The following SMAD3 variants were observed in gnomAD, a reference collection of about 807,000 sequenced individuals.
The protein encoded by SMAD3 is MAD homolog 3.
In SMAD3, 12 loss-of-function variants were observed where a neutral mutation model predicts 51.8. The observed-to-expected ratio is 0.23, with a 90% CI of 0.15 to 0.38. The LOEUF is 0.38. SMAD3 is among the 10% of genes least tolerant of loss of function. The pLI, the probability that SMAD3 is intolerant of heterozygous loss-of-function variation, is 1.00. For missense variants in SMAD3, 294 were observed against 565.6 expected (o/e 0.52, Z 4.87); for synonymous variants, 238 against 227.7 (o/e 1.05, Z -0.41).
intron 1 of SMAD3, among the ~76,000 whole-genome samples, chr15:67,104,061 C>G (rs1038820670): frequency 2.0e-5 from 3 of 152,108 alleles, no homozygotes; most frequent in South Asian, 2.1e-4. Context: ...TTAAAAGTGC[C>G]TGCCTCTGCT....
chr15:67,183,094 G>A (rs1203924696), intron 6 of SMAD3, among the ~76,000 whole-genome samples: 1 of 133,676 alleles, frequency 7.5e-6, no homozygotes, highest in Non-Finnish European at 1.5e-5. Context: ...CCAGGCTGGA[G>A]TGCGATGGCA....
At chr15:67,142,328 G>T (rs1961853053) in intron 1 of SMAD3, among the ~76,000 whole-genome samples, 2 of 151,538 alleles carry the variant, frequency 1.3e-5, no homozygotes, top group South Asian at 4.2e-4. Context: ...GTACCTCCAT[G>T]GTTTGCGTGG....
chr15:67,125,522 C>T (rs760531109), intron 1 of SMAD3, among the ~76,000 whole-genome samples: 1 of 152,204 alleles, frequency 6.6e-6, no homozygotes, highest in Non-Finnish European at 1.5e-5. Context: ...TGGATGAAGC[C>T]GGTGGGAACA....
At chr15:67,091,085 G>A (rs1236617590) in intron 1 of SMAD3, among the ~76,000 whole-genome samples, 3 of 152,216 alleles carry the variant, frequency 2.0e-5, no homozygotes, top group African/African-American at 4.8e-5. Context: ...GCCCTCTGGA[G>A]AGAAAGATCC....
intron 5 of SMAD3, among the ~76,000 whole-genome samples, chr15:67,176,418 G>A (rs532703832): frequency 6.6e-6 from 1 of 152,304 alleles, no homozygotes; most frequent in South Asian, 2.1e-4. Flanking sequence ...CAGGTGAGGT[G>A]GGCCCAGCAG....
In SMAD3 at chr15:67,166,327, C is replaced by T. The variant is rs1430196524; in HGVS notation, c.533-452C>T. 3.1e-5 allele frequency: 9 copies of T among 286,436 alleles called. No homozygotes were observed. In the East Asian group the frequency reaches 5.1e-4, roughly 16 times the overall value. The allele number at this position is 286,436 out of a possible 1,614,324, so 17.7% of individuals were successfully genotyped here. ...GCAACCTAACTGCTGAGTGAGGACA[C>T]GTCCCTTAGAGACAACAAATAATAA... On this transcript the variant is annotated intron_variant, in intron 3 of 8. Coordinates refer to ENST00000327367, the MANE Select transcript of SMAD3 (RefSeq NM_005902.4).
intron 1 of SMAD3, among the ~76,000 whole-genome samples, chr15:67,162,141 C>T (rs1962448210): frequency 6.6e-6 from 1 of 152,162 alleles, no homozygotes. Flanking sequence ...AGGCCAGTGG[C>T]TTGGAGAGTG....
intron 1 of SMAD3, among the ~76,000 whole-genome samples, chr15:67,112,238 C>A (rs1961033884): frequency 6.8e-6 from 1 of 148,132 alleles, no homozygotes; most frequent in Admixed American, 6.8e-5. Context: ...CAACCTCCGC[C>A]ACCTAGGTTC....
chr15:67,177,788 G>A (rs1470529694), intron 5 of SMAD3, among the ~76,000 whole-genome samples: 1 of 151,772 alleles, frequency 6.6e-6, no homozygotes, highest in African/African-American at 2.4e-5. Context: ...CACAGGTGGT[G>A]ACCATACTTT....
chr15:67,115,909 C>T (rs1961124516), intron 1 of SMAD3, among the ~76,000 whole-genome samples: 1 of 152,130 alleles, frequency 6.6e-6, no homozygotes, highest in Admixed American at 6.5e-5. Context: ...ACATAGGAGC[C>T]AAGACCAAAG....
chr15:67,139,232 T>C (rs1961752402), intron 1 of SMAD3, among the ~76,000 whole-genome samples: 1 of 152,202 alleles, frequency 6.6e-6, no homozygotes, highest in African/African-American at 2.4e-5. Context: ...GAACCAGATT[T>C]CTTCTCTTTG....
chr15:67,105,902 G>A (rs572012069), intron 1 of SMAD3, among the ~76,000 whole-genome samples: 12 of 152,192 alleles, frequency 7.9e-5, no homozygotes, highest in African/African-American at 1.9e-4. Context: ...TTCATTCCCC[G>A]GCCCTCCCTG....
chr15:67,172,875 C>T (rs1157536557), intron 5 of SMAD3, among the ~76,000 whole-genome samples: 1 of 152,108 alleles, frequency 6.6e-6, no homozygotes, highest in African/African-American at 2.4e-5. Flanking sequence ...CTGACTTTTA[C>T]GTTGGAGACG....
chr15:67,145,397 T>A lies in SMAD3; in HGVS notation c.207-19498T>A, dbSNP rs746273949. Among the ~76,000 whole-genome samples the A allele has an allele frequency of 5.3e-5, 8 of 152,148 alleles. No individual in the cohort carries two copies. In the South Asian group the frequency reaches 6.2e-4, roughly 12 times the overall value. ...ATAGACCTGGGAAAGAGATTGTTAA[T>A]CTCTCATTCTGTGCTCAAGGATGCT... On this transcript the variant is annotated intron_variant, in intron 1 of 8. Coordinates refer to ENST00000327367, the MANE Select transcript of SMAD3 (RefSeq NM_005902.4).
At chr15:67,092,880 G>A (rs1420997967) in intron 1 of SMAD3, among the ~76,000 whole-genome samples, 1 of 152,198 alleles carries the variant, frequency 6.6e-6, no homozygotes, top group Non-Finnish European at 1.5e-5. Context: ...GTCTTCTGGA[G>A]CTTTGGGGAA....
At chr15:67,084,223 C>T (rs1960341598) in intron 1 of SMAD3, among the ~76,000 whole-genome samples, 2 of 151,248 alleles carry the variant, frequency 1.3e-5, no homozygotes, top group Admixed American at 1.3e-4. Context: ...CTACAGGCGT[C>T]TGCCACCACA....
chr15:67,148,272 A>C (rs1478504204), intron 1 of SMAD3, among the ~76,000 whole-genome samples: 4 of 152,196 alleles, frequency 2.6e-5, no homozygotes, highest in Non-Finnish European at 5.9e-5. Flanking sequence ...AGACTCCTCC[A>C]TGAGTCGGTA....
chr15:67,172,311 C>T (rs1962775188), intron 5 of SMAD3, among the ~76,000 whole-genome samples: 1 of 152,366 alleles, frequency 6.6e-6, no homozygotes, highest in Non-Finnish European at 1.5e-5. Context: ...AGAATGAGTG[C>T]CACTTTGCAC....
chr15:67,143,951 G>A (rs1961903542), intron 1 of SMAD3, among the ~76,000 whole-genome samples: 1 of 149,152 alleles, frequency 6.7e-6, no homozygotes, highest in Non-Finnish European at 1.5e-5. Context: ...TTACTGGTAT[G>A]AGCCACTGTG....
Sources: allele counts gnomAD v4.1 joint callset (sites outside exome capture counted in the v4.1 genomes callset), GRCh38; gene constraint gnomAD v4.1.1; transcripts MANE v1.5; gene names NCBI Gene and HGNC (gene_info 2026-07-23, HGNC 2026-07-21).